ATP2C2: variants seen among roughly 807,000 people sequenced by gnomAD.
ATP2C2 encodes the protein calcium-transporting ATPase type 2C member 2.
ATP2C2 carries 171 observed loss-of-function variants against 110.8 expected under a neutral mutation model. That is an observed-to-expected ratio of 1.54 (90% CI 1.36 to 1.75). The LOEUF (loss-of-function observed/expected upper bound fraction) is 1.75. Ranked by LOEUF, ATP2C2 falls within the 40% of genes most tolerant of loss-of-function variation. The pLI, the probability that ATP2C2 is intolerant of heterozygous loss-of-function variation, is 0.00. For missense variants in ATP2C2, 1,963 were observed against 1,235.0 expected, an observed-to-expected ratio of 1.59 and a Z score of -8.84; for synonymous variants, 804 against 508.4, an observed-to-expected ratio of 1.58 and a Z score of -7.82.
intron 11 of ATP2C2, among the ~76,000 whole-genome samples, chr16:84,426,532 C>T (rs1456925594): frequency 6.6e-6 from 1 of 152,082 alleles, no homozygotes; most frequent in Non-Finnish European, 1.5e-5. Flanking sequence ...TCTACGCTTG[C>T]CACAAAACTG....
chr16:84,406,561 T>A, intron 3 of ATP2C2: 2 of 984,192 alleles, frequency 2.0e-6, no homozygotes, highest in East Asian at 1.1e-4. Context: ...TCCACTCTCC[T>A]TGAGGTCCCC....
intron 11 of ATP2C2, chr16:84,426,051 TAAA>T (rs11286978): frequency 0.16 from 55,624 of 355,496 alleles, 3,481 homozygotes; most frequent in South Asian, 0.26. Flanking sequence ...CTTGCATTGC[TAAA>T]AAAAAAAAAA....
At chr16:84,389,966 A>AG in intron 1 of ATP2C2, among the ~76,000 whole-genome samples, 1 of 151,650 alleles carries the variant, frequency 6.6e-6, no homozygotes, top group Admixed American at 6.6e-5. Context: ...CTAATGATCC[A>AG]CCCACCTCAG....
At chr16:84,386,340 A>G (rs1468097187) in intron 1 of ATP2C2, among the ~76,000 whole-genome samples, 1 of 152,142 alleles carries the variant, frequency 6.6e-6, no homozygotes, top group Non-Finnish European at 1.5e-5. Flanking sequence ...AGTCCAATAA[A>G]TACCACAGGG....
rs1196949583 is a variant in ATP2C2, at chr16:84,452,662, C to G, written c.1832-476C>G. On this transcript the variant is annotated intron_variant, in intron 18 of 26. Transcript: ENST00000262429. ...TACAGGCACCCACCACCGCGCCCAG[C>G]TAATTTTTTGTATTTTAGTAGAGAC... is the stretch of plus-strand genomic sequence containing the variant. Among the ~76,000 whole-genome samples, 3 of 152,100 alleles carry G rather than the reference C, an allele frequency of 2.0e-5. No homozygotes were observed. The East Asian group carries it at 5.8e-4, about 29-fold the overall frequency.
Position 84,453,304 on chromosome 16 carries a change from C to T in ATP2C2, c.1930-17C>T, listed in dbSNP as rs908846402. 2.8e-5 allele frequency: 45 copies of T among 1,614,134 alleles called. No homozygotes were observed. In the Admixed American group the frequency reaches 4.2e-4, roughly 15 times the overall value. ...CTTTGAAATCTGATTCTTCGTCTTC[C>T]CCGTCTCCGTGTCCAGGTGTCCGTG... is the stretch of plus-strand genomic sequence containing the variant. On this transcript the variant is annotated splice_polypyrimidine_tract_variant and intron_variant, in intron 19 of 26. Transcript: ENST00000262429.
intron 25 of ATP2C2, 61 bp from the exon 26 acceptor site, chr16:84,461,927 C>A: frequency 6.2e-7 from 1 of 1,608,192 alleles, no homozygotes; most frequent in Non-Finnish European, 8.5e-7. Context: ...AGTCAGAGCT[C>A]CCCTGCCTGT....
intron 1 of ATP2C2, among the ~76,000 whole-genome samples, chr16:84,395,272 C>T (rs1481672414): frequency 1.3e-5 from 2 of 151,970 alleles, no homozygotes; most frequent in African/African-American, 2.4e-5. Context: ...CTGCATCCAA[C>T]CCCCTCTCCC....
Position 84,423,066 on chromosome 16 carries a change from C to T in ATP2C2, c.844-122C>T. 3 of 769,288 alleles carry T rather than the reference C, an allele frequency of 3.9e-6. No homozygotes were observed. In the South Asian group the frequency reaches 5.0e-5, roughly 13 times the overall value. The allele number at this position is 769,288 out of a possible 1,614,324, so 47.7% of individuals were successfully genotyped here. ...CAGTGCAAAAGTCAATGAATGTTGACATATGTGTACCCCTGTGTAATCATC... is the reference window on the plus strand; with the variant it reads ...CAGTGCAAAAGTCAATGAATGTTGATATATGTGTACCCCTGTGTAATCATC... On this transcript the variant is annotated intron_variant, in intron 9 of 26. Transcript: ENST00000262429.
In ATP2C2 at chr16:84,459,103, G is replaced by C. The variant is rs1178318297; in HGVS notation, c.2148-17G>C. 1.1e-5 allele frequency: 18 copies of C among 1,613,826 alleles called. No individual in the cohort carries two copies. The Admixed American group carries it at 2.3e-4, about 21-fold the overall frequency. ...CGCAGGCCCGCTCCGTGAGTAAATGGCTCTCTTCTCTTGCAGGAATGCAGT... is the reference window on the plus strand; with the variant it reads ...CGCAGGCCCGCTCCGTGAGTAAATGCCTCTCTTCTCTTGCAGGAATGCAGT... On this transcript the variant is annotated splice_polypyrimidine_tract_variant and intron_variant, in intron 21 of 26. Transcript: ENST00000262429.
intron 17 of ATP2C2, among the ~76,000 whole-genome samples, chr16:84,450,233 C>G (rs1910135282): frequency 6.6e-6 from 1 of 152,192 alleles, no homozygotes. Context: ...TGGGAACTGG[C>G]CTTAGAGAAG....
At chr16:84,398,454 T>G in intron 1 of ATP2C2, 45 bp from the exon 2 acceptor site, 1 of 1,284,522 alleles carries the variant, frequency 7.8e-7, no homozygotes, top group Non-Finnish European at 1.1e-6. Context: ...AATTAATCAG[T>G]ACAAAAGTTC....
rs202138049 is a variant in ATP2C2 at position 84,394,002 on chromosome 16, C to CAAAAAAAA, written c.100-4496_100-4489dup. Among the ~76,000 whole-genome samples the CAAAAAAAA allele has an allele frequency of 7.7e-5, 9 of 117,500 alleles. 1 individual carries two copies. Among genetic ancestry groups the CAAAAAAAA allele is most frequent in the African/African-American group, 2.3e-4 (7 of 30,390 alleles). 77.1% of individuals were successfully genotyped at this position (117,500 alleles called of 152,430 possible). A position where few individuals can be genotyped will look rare whatever the true frequency, so the allele number is the denominator to read the frequency against. On this transcript the variant is annotated intron_variant, in intron 1 of 26. Transcript: ENST00000262429. Reference sequence around the variant, plus strand: ...AAAACCTTGTCTCAATTAAAAATACCAAAAAAAATAAAAAAATAAAAAATA... The same window carrying CAAAAAAAA: ...AAAACCTTGTCTCAATTAAAAATACCAAAAAAAAAAAAAAAATAAAAAAATAAAAAATA...
At chr16:84,437,055 C>G (rs1189943076) in intron 11 of ATP2C2, among the ~76,000 whole-genome samples, 2 of 152,212 alleles carry the variant, frequency 1.3e-5, no homozygotes, top group Non-Finnish European at 2.9e-5. Context: ...AGCCGCCACA[C>G]CCGGCCTTTT....
At chr16:84,398,124 C>G (rs111612404) in intron 1 of ATP2C2, among the ~76,000 whole-genome samples, 2 of 151,466 alleles carry the variant, frequency 1.3e-5, no homozygotes, top group Non-Finnish European at 2.9e-5. Flanking sequence ...CACATGTGGC[C>G]GGGCGCAGTG....
chr16:84,404,046 G>C (rs370010295), intron 2 of ATP2C2, among the ~76,000 whole-genome samples: 1 of 152,204 alleles, frequency 6.6e-6, no homozygotes, highest in East Asian at 1.9e-4. Flanking sequence ...CAGGTAATGG[G>C]GGAAGGGGCG....
chr16:84,454,891 C>T lies in ATP2C2; in HGVS notation c.2054C>T (p.Ala685Val). ...AACGACGCAGTGGCCCTGAAGTCTGCAGACATTGGGATCGCCATGGGGCAG... is the reference window on the plus strand; with the variant it reads ...AACGACGCAGTGGCCCTGAAGTCTGTAGACATTGGGATCGCCATGGGGCAG... The part of the protein sequence containing the change: ...GVNDAVALKS[A>V]DIGIAMGQTG... The change falls in exon 21 of 27, where the codon GCA becomes GTA. Residue 685 changes from alanine to valine, a missense_variant. Transcript: ENST00000262429. The T allele has an allele frequency of 6.2e-7, 1 of 1,614,014 alleles. No individual in the cohort carries two copies. Among genetic ancestry groups the T allele is most frequent in the Non-Finnish European group, 8.5e-7 (1 of 1,179,952 alleles).
intron 10 of ATP2C2, among the ~76,000 whole-genome samples, chr16:84,425,479 A>T (rs146021948): frequency 2.6e-5 from 4 of 152,232 alleles, no homozygotes; most frequent in African/African-American, 9.6e-5. Context: ...GCTTGCGAAC[A>T]GTCCAAAATA....
rs1911235186 is a variant in ATP2C2, at chr16:84,460,750, C to A, written c.2430C>A (p.Leu810=). ...GCAGAGCCCTCATCCTGAAGATCCT[C>A]ATGTCCGCGGCCATCATCATCAGCG... The part of the protein sequence containing the change: ...ILSRALILKI[L]MSAAIIISGT... The change falls in exon 24 of 27, where the codon CTC becomes CTA. Residue 810 remains leucine, a synonymous_variant. Coordinates refer to ENST00000262429, the MANE Select transcript of ATP2C2 (RefSeq NM_014861.4). 2.5e-6 allele frequency: 4 copies of A among 1,614,150 alleles called. No homozygotes were observed. In the East Asian group the frequency reaches 8.9e-5, roughly 36 times the overall value.
Sources: gnomAD v4.1 joint callset for allele counts (sites outside exome capture counted in the v4.1 genomes callset) on GRCh38, gnomAD v4.1.1 for gene constraint, MANE v1.5 for transcripts, NCBI Gene and HGNC (gene_info 2026-07-23, HGNC 2026-07-21) for gene names.